The following ZKSCAN3 variants were observed in gnomAD, a reference collection of about 807,000 sequenced individuals.
ZKSCAN3 encodes zinc finger with KRAB and SCAN domains 3, also known as zinc finger protein with KRAB and SCAN domains 3.
A neutral mutation model predicts 30.7 loss-of-function variants in ZKSCAN3; 21 were observed. The ratio of observed to expected loss-of-function variants is 0.68; its 90% CI spans 0.49 to 0.99. The LOEUF (loss-of-function observed/expected upper bound fraction) is 0.99, where lower values mean the gene tolerates loss of function less well. Ranked by LOEUF, ZKSCAN3 falls within the 50% of genes least tolerant of loss-of-function variation. The pLI, the probability that ZKSCAN3 is intolerant of heterozygous loss-of-function variation, is 0.00. For synonymous variants in ZKSCAN3, 201 were observed against 246.7 expected, an observed-to-expected ratio of 0.81 and a Z score of 1.73; for missense variants, 507 against 647.1, an observed-to-expected ratio of 0.78 and a Z score of 2.35.
In ZKSCAN3 at chr6:28,369,164, G is replaced by A. The variant is rs1327509252; in HGVS notation, c.*2879G>A. The A allele has an allele frequency of 6.6e-6, 1 of 151,974 alleles. No homozygotes were observed. The highest frequency in any genetic ancestry group is 1.5e-5 in the Non-Finnish European group (1 of 68,014). 9.4% of individuals were successfully genotyped at this position (151,974 alleles called of 1,614,324 possible). ...TTGTATTATAGTAATAAACCATATGGTTACTTTGTTTGAGTGGATTCTTAA... is the reference window on the plus strand; with the variant it reads ...TTGTATTATAGTAATAAACCATATGATTACTTTGTTTGAGTGGATTCTTAA... On this transcript the variant is annotated 3_prime_UTR_variant, in exon 6 of 6. Transcript: ENST00000252211. This position sits in a 1 kb window ranked among gnomAD's most constrained non-coding sequence, Gnocchi z 4.1.
intron 5 of ZKSCAN3, among the ~76,000 whole-genome samples, chr6:28,364,495 G>A (rs1368997198): frequency 2.0e-5 from 3 of 152,222 alleles, no homozygotes; most frequent in Non-Finnish European, 2.9e-5. Flanking sequence ...TGAGAGAAGT[G>A]TCCTTAGACA....
chr6:28,354,556 A>G (rs1765295812), intron 1 of ZKSCAN3, among the ~76,000 whole-genome samples: 1 of 152,210 alleles, frequency 6.6e-6, no homozygotes, highest in Admixed American at 6.5e-5. Flanking sequence ...CACAGGCCCA[A>G]TGTATACATA....
intron 5 of ZKSCAN3, among the ~76,000 whole-genome samples, 174 bp from the exon 6 acceptor site, chr6:28,365,252 G>GTC (rs1765913578): frequency 6.6e-6 from 1 of 151,884 alleles, no homozygotes; most frequent in South Asian, 2.1e-4. Context: ...CCATTCTTAG[G>GTC]TCTCTCTCCT....
At chr6:28,358,611 C>T (rs889633081) in intron 1 of ZKSCAN3, among the ~76,000 whole-genome samples, 7 of 151,988 alleles carry the variant, frequency 4.6e-5, no homozygotes, top group East Asian at 3.9e-4. Flanking sequence ...ATCTGGGCTG[C>T]GCGCAGTGGC....
In ZKSCAN3 at chr6:28,366,113, G is replaced by A; in HGVS notation, c.1445G>A (p.Cys482Tyr). The change falls in exon 6 of 6, where the codon TGT (cysteine) becomes TAT (tyrosine). Residue 482 changes from cysteine (C) to tyrosine (Y), a missense_variant. Transcript: ENST00000252211. ...GTTGAAACTCCCATGTCTTATAAATGTAATGAGTGTGAAAGAAGTTTCACT... is the reference window on the plus strand; with the variant it reads ...GTTGAAACTCCCATGTCTTATAAATATAATGAGTGTGAAAGAAGTTTCACT... ...ENVETPMSYKCNECERSFTQN... is the reference protein window; with the variant it reads ...ENVETPMSYKYNECERSFTQN... 1.2e-6 allele frequency: 2 copies of A among 1,610,412 alleles called. No individual in the cohort carries two copies. The highest frequency in any genetic ancestry group is 1.7e-6 in the Non-Finnish European group (2 of 1,178,738).
At position 28,367,206 on chromosome 6, in the gene ZKSCAN3, A is replaced by G. The variant is rs1246181704; in HGVS notation, c.*921A>G. 6.6e-6 allele frequency: 1 copy of G among 152,034 alleles called. No homozygotes were observed. Among genetic ancestry groups the G allele is most frequent in the East Asian group, 1.9e-4 (1 of 5,174 alleles). The allele number at this position is 152,034 out of a possible 1,614,324, so 9.4% of individuals were successfully genotyped here. On this transcript the variant is annotated 3_prime_UTR_variant, in exon 6 of 6. Coordinates refer to ENST00000252211, the MANE Select transcript of ZKSCAN3 (RefSeq NM_024493.4). Reference sequence around the variant, plus strand: ...GCTGGGATTACAGGCATGAGCCACCATGCCCGGCCAAGAATCCATATTTCT... The same window carrying G: ...GCTGGGATTACAGGCATGAGCCACCGTGCCCGGCCAAGAATCCATATTTCT...
chr6:28,349,878 CAG>C (rs1258663031), upstream of ZKSCAN3: 2 of 152,234 alleles, frequency 1.3e-5, no homozygotes, highest in African/African-American at 4.8e-5. This position sits in a 1 kb window ranked among gnomAD's most constrained non-coding sequence, Gnocchi z 4.1. Context: ...TAGCAAACGA[CAG>C]AGTCTGTCAG....
intron 4 of ZKSCAN3, 142 bp from the exon 5 acceptor site, chr6:28,363,544 ATTAACT>A (rs1392013241): frequency 1.5e-6 from 2 of 1,356,290 alleles, no homozygotes; most frequent in African/African-American, 2.9e-5. Flanking sequence ...GTTGTTTATC[ATTAACT>A]TTATTTAGGT....
At position 28,359,756 on chromosome 6, in the gene ZKSCAN3, C is replaced by CT; in HGVS notation, c.171dup (p.Ala58CysfsTer21). On this transcript the variant is annotated frameshift_variant, in exon 2 of 6. Coordinates refer to ENST00000252211, the MANE Select transcript of ZKSCAN3 (RefSeq NM_024493.4). LOFTEE classifies it high-confidence loss of function. ...TTCCGAGGCTTCCGCTACCCGGAGG[C>CT]TGCAGGCCCCCGCGAGGCGCTGAGT... The CT allele has an allele frequency of 6.2e-7, 1 of 1,614,208 alleles. No homozygotes were observed. The highest frequency in any genetic ancestry group is 2.2e-5 in the East Asian group (1 of 44,886).
intron 1 of ZKSCAN3, among the ~76,000 whole-genome samples, chr6:28,352,698 T>C (rs1765119488): frequency 6.6e-6 from 1 of 152,230 alleles, no homozygotes; most frequent in Non-Finnish European, 1.5e-5. Flanking sequence ...TAGATTAGAT[T>C]TAGGCTCACT....
chr6:28,365,601 G>T lies in ZKSCAN3; in HGVS notation c.933G>T (p.Gly311=), dbSNP rs142195611. ...GAAAGCAGAAAAATGCCACAGGAGG[G>T]AGGCGGCACATCTGCCATGAATGTG... ...LQRKQKNATG[G]RRHICHECGK... Residue 311 remains glycine (G), a synonymous_variant, in exon 6 of 6, where the codon GGG becomes GGT. Transcript: ENST00000252211. 3 of 1,614,136 alleles carry T rather than the reference G, an allele frequency of 1.9e-6. No homozygotes were observed. The African/African-American group carries it at 4.0e-5, about 22-fold the overall frequency.
intron 1 of ZKSCAN3, chr6:28,354,249 T>C (rs929437393): frequency 2.5e-5 from 7 of 283,688 alleles, no homozygotes; most frequent in Non-Finnish European, 5.0e-5. Flanking sequence ...TTACAGACAA[T>C]AGTGGCTGTA....
At chr6:28,362,555 C>A (rs1475625442) in intron 3 of ZKSCAN3, among the ~76,000 whole-genome samples, 1 of 152,064 alleles carries the variant, frequency 6.6e-6, no homozygotes, top group African/African-American at 2.4e-5. Context: ...GCCTAAACCA[C>A]CTGTTTTGTG....
intron 1 of ZKSCAN3, among the ~76,000 whole-genome samples, chr6:28,352,450 G>A (rs923705300): frequency 5.9e-5 from 9 of 152,004 alleles, no homozygotes; most frequent in African/African-American, 1.9e-4. Flanking sequence ...ACAGGGTTTC[G>A]TCATATGGGC....
chr6:28,360,810 A>G, intron 2 of ZKSCAN3: 2 of 954,484 alleles, frequency 2.1e-6, no homozygotes, highest in Non-Finnish European at 2.5e-6. Flanking sequence ...TGCACATGAG[A>G]AAGTAACTTG....
At chr6:28,360,159 T>C in intron 2 of ZKSCAN3, 171 bp downstream of exon 2, 1 of 1,209,174 alleles carries the variant, frequency 8.3e-7, no homozygotes, top group Non-Finnish European at 1.2e-6. Context: ...GAATAATTTT[T>C]TTTTTAAAAT....
chr6:28,360,541 G>A (rs1765709151), intron 2 of ZKSCAN3: 1 of 984,396 alleles, frequency 1.0e-6, no homozygotes, highest in African/African-American at 1.7e-5. Flanking sequence ...TGGACCACTG[G>A]TTATGAACCT....
rs733743 is a variant in ZKSCAN3 at position 28,359,594 on chromosome 6, G to C, written c.8G>C (p.Arg3Thr). 0.076 allele frequency: 123,195 copies of C among 1,613,460 alleles called. 5,549 individuals are homozygous for C. The highest frequency in any genetic ancestry group is 0.22 in the East Asian group (9,991 of 44,842). ...GTACTGCCTTGGCCTAGGATGGCTA[G>C]AGAATTAAGTGAAAGCACAGCCCTG... is the stretch of plus-strand genomic sequence containing the variant. MARELSESTALDA... is the reference protein window; with the variant it reads MATELSESTALDA... Residue 3 changes from arginine (R) to threonine (T), a missense_variant, in exon 2 of 6, where the codon AGA becomes ACA. Transcript: ENST00000252211.
In ZKSCAN3 at chr6:28,361,274, C is replaced by G. The variant is rs745429976; in HGVS notation, c.403-50C>G. On this transcript the variant is annotated intron_variant, in intron 2 of 5. Transcript: ENST00000252211. The stretch of plus-strand genomic sequence containing the variant: ...AATAGTGCCAGCCACCTAGGTAGTT[C>G]TATGGAAGTGTTTGATGAAAACATG... 5.0e-6 allele frequency: 8 copies of G among 1,595,950 alleles called. No homozygotes were observed. In the African/African-American group the frequency reaches 1.1e-4, roughly 22 times the overall value.
Sources: gnomAD v4.1 joint callset for allele counts (sites outside exome capture counted in the v4.1 genomes callset) on GRCh38, gnomAD v4.1.1 for gene constraint, Gnocchi (gnomAD v3.1) non-coding constraint, MANE v1.5 for transcripts, NCBI Gene and HGNC (gene_info 2026-07-23, HGNC 2026-07-21) for gene names.